Variants in HEATR5B observed in about 807,000 individuals in gnomAD.
HEATR5B encodes HEAT repeat containing 5B.
A neutral mutation model predicts 224.1 loss-of-function variants in HEATR5B; 156 were observed. That is an observed-to-expected ratio of 0.70 (90% CI 0.61 to 0.80). The LOEUF is 0.80. Among genes scored for constraint, HEATR5B ranks in the 30% least tolerant of loss-of-function variants. The probability of loss-of-function intolerance (pLI) is 0.00; values close to 1 mark genes in which losing one functional copy is unlikely to be tolerated. For missense variants in HEATR5B, 2,323 were observed against 2,535.5 expected (o/e 0.92, Z 1.80); for synonymous variants, 1,027 against 893.0 (o/e 1.15, Z -2.68).
intron 22 of HEATR5B, among the ~76,000 whole-genome samples, chr2:37,031,228 A>T (rs1189643272): frequency 6.6e-6 from 1 of 152,188 alleles, no homozygotes; most frequent in Non-Finnish European, 1.5e-5. Flanking sequence ...AAACACAGCC[A>T]GGAAAATGCC....
At chr2:37,016,495 C>A (rs148596246) in intron 26 of HEATR5B, among the ~76,000 whole-genome samples, 61 of 152,182 alleles carry the variant, frequency 4.0e-4, no homozygotes, top group African/African-American at 1.4e-3. Context: ...TAATAAGGTA[C>A]CTGAACCTCA....
rs767295267 is a variant in HEATR5B at position 37,076,929 on chromosome 2, T to C, written c.429A>G (p.Lys143=). 6.2e-7 allele frequency: 1 copy of C among 1,613,358 alleles called. No homozygotes were observed. Among genetic ancestry groups the C allele is most frequent in the Non-Finnish European group, 8.5e-7 (1 of 1,179,334 alleles). ...AACTTACCTCTGCACTTTTCAGAGA[T>C]TTCAATAGATTATTTACCGTTTCTG... ...AFPETVNNLL[K]SLKSAESQGR... Residue 143 remains lysine (K), a synonymous_variant, in exon 4 of 36, where the codon AAA becomes AAG. Transcript: ENST00000233099.
At chr2:37,033,353 T>C (rs1669259994) in intron 21 of HEATR5B, among the ~76,000 whole-genome samples, 1 of 152,180 alleles carries the variant, frequency 6.6e-6, no homozygotes, top group South Asian at 2.1e-4. Flanking sequence ...CTAAAGCTCA[T>C]ACAATATACT....
At position 37,065,855 on chromosome 2, in the gene HEATR5B, T is replaced by C; in HGVS notation, c.1233A>G (p.Ala411=). 6.2e-7 allele frequency: 1 copy of C among 1,613,848 alleles called. No homozygotes were observed. Among genetic ancestry groups the C allele is most frequent in the South Asian group, 1.1e-5 (1 of 91,068 alleles). Reference sequence around the variant, plus strand: ...CACAGACCATCACATGCTGGCTTGCTGCAATGTCTGCTGCGCCAGATTTGT... The same window carrying C: ...CACAGACCATCACATGCTGGCTTGCCGCAATGTCTGCTGCGCCAGATTTGT... ...GENKSGAADI[A]ASQHVMVCAL... is the part of the protein sequence containing the mutation. The change falls in exon 9 of 36, where the codon GCA becomes GCG. Residue 411 remains alanine, a synonymous_variant. Transcript: ENST00000233099.
intron 33 of HEATR5B, among the ~76,000 whole-genome samples, chr2:36,995,681 G>A (rs924516516): frequency 2.0e-5 from 3 of 152,004 alleles, no homozygotes; most frequent in East Asian, 1.9e-4. Context: ...TAATTTCTTC[G>A]GGTCTGGGTT....
At chr2:36,989,380 G>A (rs780915169) in intron 34 of HEATR5B, among the ~76,000 whole-genome samples, 8 of 152,002 alleles carry the variant, frequency 5.3e-5, no homozygotes, top group East Asian at 1.9e-4. Context: ...CACCATGCCC[G>A]GCCAATTCCC....
chr2:37,007,213 C>T lies in HEATR5B; in HGVS notation c.4614G>A (p.Trp1538Ter). 1 of 1,613,994 alleles carries T rather than the reference C, an allele frequency of 6.2e-7. No individual in the cohort carries two copies. ...WAPILHAVAL[W>*]LNSTGFTCSE... ...AGCACGTAAATCCTGTGCTATTTAA[C>T]CAAAGTGCCACCGCATGGAGAATTG... The change falls in exon 29 of 36, where the codon TGG (tryptophan) becomes TGA (stop). Residue 1538 changes from tryptophan (W) to a stop codon, truncating the protein, a stop_gained. Transcript: ENST00000233099. LOFTEE classifies it high-confidence loss of function.
chr2:37,045,668 C>T (rs1409403691), intron 18 of HEATR5B, among the ~76,000 whole-genome samples: 1 of 152,156 alleles, frequency 6.6e-6, no homozygotes, highest in Non-Finnish European at 1.5e-5. Flanking sequence ...GTTCATAGCT[C>T]TCTCCCTGTG....
chr2:36,987,341 A>C (rs1442866052), intron 35 of HEATR5B, among the ~76,000 whole-genome samples: 2 of 151,972 alleles, frequency 1.3e-5, no homozygotes, highest in Non-Finnish European at 2.9e-5. Context: ...AGGCAGGAGA[A>C]TCACTTGAAC....
In HEATR5B at chr2:37,084,325, A is replaced by C; in HGVS notation, c.-79T>G. ...TCCGGGGGTAGAAGCAGCCACCAAG[A>C]GACCCGGATGCCCCACCTCCCGCAC... On this transcript the variant is annotated 5_prime_UTR_variant, in exon 1 of 36. Transcript: ENST00000233099. The C allele has an allele frequency of 2.5e-6, 1 of 405,708 alleles. No homozygotes were observed. Among genetic ancestry groups the C allele is most frequent in the Non-Finnish European group, 4.3e-6 (1 of 233,474 alleles). 25.1% of individuals were successfully genotyped at this position (405,708 alleles called of 1,614,324 possible).
In HEATR5B at chr2:37,075,614, G is replaced by T; in HGVS notation, c.468C>A (p.Ile156=). ...KSAESQGRSE[I]LMSLQKVLSG... ...TTAGAACTTTCTGTAGACTCATTAA[G>T]ATTTCACTTCGCCCTTGAGACTAGA... Residue 156 remains isoleucine, a synonymous_variant, in exon 5 of 36, where the codon ATC becomes ATA. Transcript: ENST00000233099. The T allele has an allele frequency of 3.7e-6, 6 of 1,613,008 alleles. 1 individual carries two copies. Among genetic ancestry groups the T allele is most frequent in the East Asian group, 4.5e-5 (2 of 44,840 alleles).
intron 27 of HEATR5B, among the ~76,000 whole-genome samples, chr2:37,009,687 G>C (rs1211210276): frequency 6.6e-6 from 1 of 151,764 alleles, no homozygotes; most frequent in Non-Finnish European, 1.5e-5. Context: ...TCTGACTTCT[G>C]ACTATTCCTC....
chr2:37,001,709 G>C (rs1472208176), intron 32 of HEATR5B, among the ~76,000 whole-genome samples: 1 of 151,408 alleles, frequency 6.6e-6, no homozygotes, highest in African/African-American at 2.4e-5. Flanking sequence ...TGTCGCTGAG[G>C]CTGCAGTGCA....
intron 18 of HEATR5B, 41 bp from the exon 19 acceptor site, chr2:37,041,333 T>A: frequency 6.3e-7 from 1 of 1,596,178 alleles, no homozygotes; most frequent in South Asian, 1.1e-5. Flanking sequence ...CTTTGCTATT[T>A]CCCTATAAAA....
rs201063259 is a variant in HEATR5B, at chr2:37,054,225, G to A, written c.2400-618C>T. 2.5e-3 allele frequency among the ~76,000 whole-genome samples: 302 copies of A among 121,480 alleles called. 3 individuals are homozygous for A. Among genetic ancestry groups the A allele is most frequent in the African/African-American group, 9.1e-3 (280 of 30,854 alleles). The allele number at this position is 121,480 out of a possible 152,430, so 79.7% of individuals were successfully genotyped here. ...TTTTTTTTTTTTGAGATGGAGTTTCGCTCTTGTTGCCCAGGCTGGAGTGCA... is the reference window on the plus strand; with the variant it reads ...TTTTTTTTTTTTGAGATGGAGTTTCACTCTTGTTGCCCAGGCTGGAGTGCA... On this transcript the variant is annotated intron_variant, in intron 16 of 35. Coordinates refer to ENST00000233099, the MANE Select transcript of HEATR5B (RefSeq NM_019024.3).
chr2:37,065,045 A>C, intron 9 of HEATR5B, 55 bp from the exon 10 acceptor site: 1 of 1,536,542 alleles, frequency 6.5e-7, no homozygotes, highest in South Asian at 1.1e-5. Context: ...TGATTTCAGA[A>C]ACTCAAATAC....
At chr2:37,035,771 A>G (rs1002232643) in intron 21 of HEATR5B, among the ~76,000 whole-genome samples, 7 of 152,112 alleles carry the variant, frequency 4.6e-5, no homozygotes, top group African/African-American at 1.7e-4. Flanking sequence ...TCTGTTTTCC[A>G]TATAAATGCA....
At chr2:37,067,802 C>T (rs187812432) in intron 8 of HEATR5B, among the ~76,000 whole-genome samples, 54 of 151,986 alleles carry the variant, frequency 3.6e-4, no homozygotes, top group Non-Finnish European at 6.3e-4. Context: ...AAAAATAAAA[C>T]GAGTTTACTA....
intron 18 of HEATR5B, among the ~76,000 whole-genome samples, chr2:37,049,356 C>G (rs1012599050): frequency 6.6e-6 from 1 of 152,180 alleles, no homozygotes; most frequent in South Asian, 2.1e-4. Context: ...CAGAGCACCT[C>G]TTCAGTGAAT....
Sources: gnomAD v4.1 joint callset for allele counts (sites outside exome capture counted in the v4.1 genomes callset) on GRCh38, gnomAD v4.1.1 for gene constraint, MANE v1.5 for transcripts, NCBI Gene and HGNC (gene_info 2026-07-23, HGNC 2026-07-21) for gene names.